The following PPP1R12B variants were observed in gnomAD, a reference collection of about 807,000 sequenced individuals.
The protein encoded by PPP1R12B is protein phosphatase 1 regulatory subunit 12B.
In PPP1R12B, 76 loss-of-function variants were observed where a neutral mutation model predicts 126.1. That is an observed-to-expected ratio of 0.60 (90% CI 0.50 to 0.73). PPP1R12B has a LOEUF of 0.73. Ranked by LOEUF, PPP1R12B falls within the 30% of genes least tolerant of loss-of-function variation. The pLI, the probability that PPP1R12B is intolerant of heterozygous loss-of-function variation, is 0.00. For synonymous variants in PPP1R12B, 356 were observed against 434.7 expected, an observed-to-expected ratio of 0.82 and a Z score of 2.25; for missense variants, 1,052 against 1,205.1, an observed-to-expected ratio of 0.87 and a Z score of 1.88.
At position 202,495,450 on chromosome 1, in the gene PPP1R12B, A is replaced by G. The variant is rs768445141; in HGVS notation, c.2303A>G (p.Asn768Ser). Reference sequence around the variant, plus strand: ...TCTGAGAGTTCAGAGACTACCACAAACACTACAACTGCAAAGGAAATGGAC... The same window carrying G: ...TCTGAGAGTTCAGAGACTACCACAAGCACTACAACTGCAAAGGAAATGGAC... ...PDSESSETTTNTTTAKEMDKN... is the reference protein window; with the variant it reads ...PDSESSETTTSTTTAKEMDKN... The change falls in exon 16 of 24, where the codon AAC becomes AGC. Residue 768 changes from asparagine (N) to serine (S), a missense_variant. Transcript: ENST00000608999. 2 of 1,608,062 alleles carry G rather than the reference A, an allele frequency of 1.2e-6. No homozygotes were observed. The highest frequency in any genetic ancestry group is 3.4e-5 in the Admixed American group (2 of 59,374).
Position 202,440,847 on chromosome 1 carries a change from C to G in PPP1R12B, c.1541+59C>G, listed in dbSNP as rs113460899. The G allele has an allele frequency of 1.2e-4, 161 of 1,387,620 alleles. No individual in the cohort carries two copies. In the African/African-American group the frequency reaches 1.3e-3, roughly 11 times the overall value. The allele number at this position is 1,387,620 out of a possible 1,614,324, so 86.0% of individuals were successfully genotyped here. ...TCCTCTTAGGTCTACTGGACATAGT[C>G]ATCTCCTGGGCATTACTCTTCTGCA... On this transcript the variant is annotated intron_variant, in intron 11 of 23. Transcript: ENST00000608999.
At chr1:202,543,495 C>T (rs1462389264) in intron 18 of PPP1R12B, among the ~76,000 whole-genome samples, 1 of 152,174 alleles carries the variant, frequency 6.6e-6, no homozygotes, top group Non-Finnish European at 1.5e-5. Context: ...AATCCCAGCA[C>T]TTTGGGAGGC....
intron 1 of PPP1R12B, among the ~76,000 whole-genome samples, chr1:202,354,654 CTT>C (rs565106722): frequency 7.0e-6 from 1 of 143,272 alleles, no homozygotes. Context: ...GTGTCCCATT[CTT>C]TTTTTTTTTT....
chr1:202,375,869 CTGTCA>C (rs1411315814), intron 1 of PPP1R12B, among the ~76,000 whole-genome samples: 4 of 152,196 alleles, frequency 2.6e-5, no homozygotes, highest in Non-Finnish European at 5.9e-5. Context: ...TATAGCTTAC[CTGTCA>C]TAACACTTGT....
intron 6 of PPP1R12B, among the ~76,000 whole-genome samples, chr1:202,429,380 C>G (rs986900819): frequency 6.6e-6 from 1 of 152,150 alleles, no homozygotes; most frequent in Admixed American, 6.5e-5. Flanking sequence ...ACACATAATA[C>G]TAAAACTGTC....
At position 202,348,812 on chromosome 1, in the gene PPP1R12B, A is replaced by G. The variant is rs749486132; in HGVS notation, c.-40A>G. The G allele has an allele frequency of 9.5e-6, 15 of 1,579,940 alleles. No homozygotes were observed. The South Asian group carries it at 1.8e-4, about 18-fold the overall frequency. On this transcript the variant is annotated 5_prime_UTR_variant, in exon 1 of 24. Coordinates refer to ENST00000608999, the MANE Select transcript of PPP1R12B (RefSeq NM_002481.4). ...GCAACTCGAGCCCCAACAGTAATTT[A>G]GTGTTGGTAGTTTTGGCAGCAGCTG...
intron 13 of PPP1R12B, among the ~76,000 whole-genome samples, chr1:202,464,665 C>T (rs1328048350): frequency 6.6e-6 from 1 of 152,176 alleles, no homozygotes; most frequent in African/African-American, 2.4e-5. Context: ...CATTTAACTT[C>T]TCTTGTTCAG....
intron 1 of PPP1R12B, among the ~76,000 whole-genome samples, chr1:202,358,768 A>G (rs533659055): frequency 3.6e-4 from 55 of 152,150 alleles, no homozygotes; most frequent in Non-Finnish European, 6.0e-4. Flanking sequence ...CTACTTCATT[A>G]TAGTTATGGA....
chr1:202,385,012 C>G (rs545157155), intron 1 of PPP1R12B, among the ~76,000 whole-genome samples: 2 of 152,304 alleles, frequency 1.3e-5, no homozygotes, highest in East Asian at 3.9e-4. Flanking sequence ...TGATTATTCT[C>G]AAACAATGCC....
rs1366760661 is a variant in PPP1R12B at position 202,536,196 on chromosome 1, T to G, written c.2491-22681T>G. The stretch of plus-strand genomic sequence containing the variant: ...AACGACAGGGATACATTCTAAGAAA[T>G]GAGTTTTTAGGCAATTTCGTCCCTG... On this transcript the variant is annotated intron_variant, in intron 18 of 23. Coordinates refer to ENST00000608999, the MANE Select transcript of PPP1R12B (RefSeq NM_002481.4). Among the ~76,000 whole-genome samples, 3 of 152,324 alleles carry G rather than the reference T, an allele frequency of 2.0e-5. No homozygotes were observed. The East Asian group carries it at 5.8e-4, about 29-fold the overall frequency.
chr1:202,375,068 G>A (rs1460097745), intron 1 of PPP1R12B, among the ~76,000 whole-genome samples: 5 of 151,964 alleles, frequency 3.3e-5, no homozygotes, highest in East Asian at 1.9e-4. Context: ...TCAGCCTCCC[G>A]AGTAGCTGGG....
intron 1 of PPP1R12B, among the ~76,000 whole-genome samples, chr1:202,354,358 C>T (rs926310039): frequency 6.6e-6 from 1 of 152,096 alleles, no homozygotes. Flanking sequence ...ATCACTTGAG[C>T]TCAGGAGTTT....
chr1:202,374,937 A>G (rs1345968077), intron 1 of PPP1R12B, among the ~76,000 whole-genome samples: 5 of 150,908 alleles, frequency 3.3e-5, no homozygotes, highest in Admixed American at 2.6e-4. Flanking sequence ...TTCTCCAACT[A>G]TTTTCTTCTT....
rs1668513555 is a variant in PPP1R12B, at chr1:202,419,712, C to T, written c.422+2795C>T. ...AATTCAAGCAATATTTATGGAATAC[C>T]AAGAGGAAAAAGCAAGTGTCAGATG... is the stretch of plus-strand genomic sequence containing the variant. On this transcript the variant is annotated intron_variant, in intron 2 of 23. Coordinates refer to ENST00000608999, the MANE Select transcript of PPP1R12B (RefSeq NM_002481.4). This position sits in a 1 kb window ranked among gnomAD's most constrained non-coding sequence, Gnocchi z 4.6. 6.6e-6 allele frequency among the ~76,000 whole-genome samples: 1 copy of T among 151,906 alleles called. No individual in the cohort carries two copies. Among genetic ancestry groups the T allele is most frequent in the African/African-American group, 2.4e-5 (1 of 41,334 alleles).
chr1:202,493,817 G>A (rs866367358), intron 15 of PPP1R12B, among the ~76,000 whole-genome samples: 1 of 152,264 alleles, frequency 6.6e-6, no homozygotes, highest in Non-Finnish European at 1.5e-5. Flanking sequence ...TTTGAACATA[G>A]GCAGTCTGAC....
At chr1:202,385,872 A>G (rs1663030551) in intron 1 of PPP1R12B, among the ~76,000 whole-genome samples, 1 of 152,036 alleles carries the variant, frequency 6.6e-6, no homozygotes, top group East Asian at 1.9e-4. Flanking sequence ...ATGAAGGGAC[A>G]ATTATAATAA....
chr1:202,393,006 T>G (rs905868397), intron 1 of PPP1R12B, among the ~76,000 whole-genome samples: 7 of 152,178 alleles, frequency 4.6e-5, no homozygotes, highest in African/African-American at 1.7e-4. Flanking sequence ...AGTGCACTGG[T>G]GCGATCTCAA....
chr1:202,516,792 A>T (rs1408160690), intron 18 of PPP1R12B, among the ~76,000 whole-genome samples: 1 of 152,248 alleles, frequency 6.6e-6, no homozygotes, highest in African/African-American at 2.4e-5. Context: ...GCAGGTCAAC[A>T]TTCTTGCCTA....
intron 1 of PPP1R12B, among the ~76,000 whole-genome samples, chr1:202,362,476 G>A (rs1050364083): frequency 1.3e-5 from 2 of 152,102 alleles, no homozygotes; most frequent in East Asian, 1.9e-4. Context: ...CACAATTGCC[G>A]TACAGGGCTA....
Sources: allele counts gnomAD v4.1 joint callset (sites outside exome capture counted in the v4.1 genomes callset), GRCh38; gene constraint gnomAD v4.1.1; non-coding constraint Gnocchi (gnomAD v3.1); transcripts MANE v1.5; gene names NCBI Gene and HGNC (gene_info 2026-07-23, HGNC 2026-07-21).